Variants in MARCHF11 observed in about 807,000 individuals in gnomAD.
MARCHF11 encodes the protein membrane associated ring-CH-type finger 11, also known as E3 ubiquitin-protein ligase MARCHF11.
MARCHF11 carries 29 observed loss-of-function variants against 37.3 expected under a neutral mutation model. The observed-to-expected ratio is 0.78, with a 90% CI of 0.58 to 1.06. The LOEUF is 1.06. MARCHF11 is among the 50% of genes least tolerant of loss of function. MARCHF11 has a pLI of 0.00. For missense variants in MARCHF11, 482 were observed against 533.4 expected, an observed-to-expected ratio of 0.90 and a Z score of 0.95; for synonymous variants, 233 against 228.0, an observed-to-expected ratio of 1.02 and a Z score of -0.20.
chr5:16,105,383 T>C (rs1291934287), intron 2 of MARCHF11, among the ~76,000 whole-genome samples: 1 of 152,220 alleles, frequency 6.6e-6, no homozygotes, highest in Non-Finnish European at 1.5e-5. Context: ...ACAAATGCGT[T>C]TCTATGAGTT....
At chr5:16,105,742 T>G (rs889816702) in intron 2 of MARCHF11, among the ~76,000 whole-genome samples, 1 of 152,020 alleles carries the variant, frequency 6.6e-6, no homozygotes, top group Admixed American at 6.6e-5. Flanking sequence ...AATGTGCCCA[T>G]CAGAAGGCCA....
At chr5:16,128,680 T>C (rs896159812) in intron 2 of MARCHF11, among the ~76,000 whole-genome samples, 2 of 152,206 alleles carry the variant, frequency 1.3e-5, no homozygotes, top group Non-Finnish European at 1.5e-5. Flanking sequence ...ACATAGAAAG[T>C]GTCTTAACAA....
intron 2 of MARCHF11, among the ~76,000 whole-genome samples, chr5:16,104,523 A>C (rs1173226328): frequency 6.6e-6 from 1 of 152,204 alleles, no homozygotes; most frequent in Non-Finnish European, 1.5e-5. Context: ...AAGTCCTTAA[A>C]ATAGCAAAAT....
intron 2 of MARCHF11, among the ~76,000 whole-genome samples, chr5:16,131,852 T>G (rs1737520936): frequency 6.6e-6 from 1 of 152,246 alleles, no homozygotes; most frequent in Non-Finnish European, 1.5e-5. Context: ...TTTGCTGGTG[T>G]CTGGTGTCAG....
chr5:16,086,236 A>G (rs1449628374), intron 3 of MARCHF11, among the ~76,000 whole-genome samples: 1 of 152,166 alleles, frequency 6.6e-6, no homozygotes, highest in Non-Finnish European at 1.5e-5. Flanking sequence ...TAAAATGCGG[A>G]AGTATCCATT....
chr5:16,176,635 T>G (rs1402281484), intron 2 of MARCHF11, among the ~76,000 whole-genome samples: 1 of 152,208 alleles, frequency 6.6e-6, no homozygotes, highest in African/African-American at 2.4e-5. Flanking sequence ...GCAAATTAAT[T>G]GCAAACTATA....
intron 2 of MARCHF11, among the ~76,000 whole-genome samples, chr5:16,173,032 C>T (rs1579427725): frequency 1.3e-5 from 2 of 152,258 alleles, no homozygotes; most frequent in South Asian, 2.1e-4. Flanking sequence ...GCTGACAGCA[C>T]ATTAGAAGAG....
intron 3 of MARCHF11, among the ~76,000 whole-genome samples, chr5:16,072,661 A>G (rs752990497): frequency 3.9e-5 from 6 of 152,020 alleles, no homozygotes; most frequent in Non-Finnish European, 7.4e-5. Flanking sequence ...ATCTGCCACA[A>G]GTTGTGTTAT....
Position 16,174,692 on chromosome 5 carries a change from C to G in MARCHF11, c.693+3034G>C, listed in dbSNP as rs376222048. On this transcript the variant is annotated intron_variant, in intron 2 of 3. Transcript: ENST00000332432. Reference sequence around the variant, plus strand: ...GAGTTCTTGCATACATGGTTTTAAGCTCCTTTAGTTCAGAGTGCTGGAAGG... The same window carrying G: ...GAGTTCTTGCATACATGGTTTTAAGGTCCTTTAGTTCAGAGTGCTGGAAGG... 6.6e-5 allele frequency among the ~76,000 whole-genome samples: 10 copies of G among 152,290 alleles called. No individual in the cohort carries two copies. The South Asian group carries it at 2.1e-3, about 32-fold the overall frequency.
intron 3 of MARCHF11, among the ~76,000 whole-genome samples, chr5:16,090,502 C>A (rs2126556502): frequency 6.6e-6 from 1 of 152,202 alleles, no homozygotes; most frequent in East Asian, 1.9e-4. Context: ...CCCAAACGCA[C>A]AATACAGTAC....
chr5:16,106,524 G>A (rs1027179399), intron 2 of MARCHF11, among the ~76,000 whole-genome samples: 8 of 152,180 alleles, frequency 5.3e-5, no homozygotes, highest in East Asian at 1.9e-4. Context: ...TGCATGAAGC[G>A]TGGTTTTGTT....
chr5:16,157,325 C>G lies in MARCHF11; in HGVS notation c.693+20401G>C, dbSNP rs1047465441. On this transcript the variant is annotated intron_variant, in intron 2 of 3. Coordinates refer to ENST00000332432, the MANE Select transcript of MARCHF11 (RefSeq NM_001102562.3). ...ATCAAAAGTCCAATGTCATTCTTCA[C>G]TTAAATAGAAAAAAAATCCTAAAAT... Among the ~76,000 whole-genome samples the G allele has an allele frequency of 1.5e-4, 23 of 151,934 alleles. No individual in the cohort carries two copies. The South Asian group carries it at 4.8e-3, about 32-fold the overall frequency.
At chr5:16,127,902 T>A (rs1485554718) in intron 2 of MARCHF11, among the ~76,000 whole-genome samples, 3 of 151,872 alleles carry the variant, frequency 2.0e-5, no homozygotes. Flanking sequence ...GGAAGTGGAG[T>A]GAAGTCAGGG....
At position 16,086,108 on chromosome 5, in the gene MARCHF11, A is replaced by G. The variant is rs115062912; in HGVS notation, c.886+4781T>C. Among the ~76,000 whole-genome samples, 1,346 of 152,296 alleles carry G rather than the reference A, an allele frequency of 8.8e-3. 16 individuals are homozygous for G. Among genetic ancestry groups the G allele is most frequent in the African/African-American group, 0.031 (1,273 of 41,574 alleles). ...AACAACATACAAATTCATCAGTAGAAAAAAGTTTAAATACATTGTTGTACA... is the reference window on the plus strand; with the variant it reads ...AACAACATACAAATTCATCAGTAGAGAAAAGTTTAAATACATTGTTGTACA... On this transcript the variant is annotated intron_variant, in intron 3 of 3. Transcript: ENST00000332432.
At chr5:16,109,103 TAC>T (rs3031633) in intron 2 of MARCHF11, among the ~76,000 whole-genome samples, 6,075 of 140,958 alleles carry the variant, frequency 0.043, 155 homozygotes, top group African/African-American at 0.066. Context: ...ACATAAGAAA[TAC>T]ACACACACAC....
At chr5:16,164,746 C>G (rs1383584861) in intron 2 of MARCHF11, among the ~76,000 whole-genome samples, 2 of 151,992 alleles carry the variant, frequency 1.3e-5, no homozygotes, top group African/African-American at 4.8e-5. Flanking sequence ...AAATTAAAAA[C>G]CTATTGCTTC....
intron 2 of MARCHF11, among the ~76,000 whole-genome samples, chr5:16,119,491 G>C (rs1737277871): frequency 6.6e-6 from 1 of 152,000 alleles, no homozygotes; most frequent in Admixed American, 6.6e-5. Context: ...TTTCCTCTCT[G>C]GTACCTCATC....
chr5:16,124,712 T>G (rs559731829), intron 2 of MARCHF11, among the ~76,000 whole-genome samples: 3 of 151,776 alleles, frequency 2.0e-5, no homozygotes, highest in Admixed American at 1.3e-4. Context: ...AGATGCTATC[T>G]CAAGGAACTT....
intron 2 of MARCHF11, among the ~76,000 whole-genome samples, chr5:16,142,641 T>G (rs1192247555): frequency 6.6e-6 from 1 of 151,978 alleles, no homozygotes; most frequent in Admixed American, 6.6e-5. Flanking sequence ...CTCTTTTTTG[T>G]TAGCTCCACT....
Sources: allele counts gnomAD v4.1 joint callset (sites outside exome capture counted in the v4.1 genomes callset), GRCh38; gene constraint gnomAD v4.1.1; transcripts MANE v1.5; gene names NCBI Gene and HGNC (gene_info 2026-07-23, HGNC 2026-07-21).